Variants in ADGRG6 observed in about 807,000 individuals in gnomAD.
ADGRG6 encodes G-protein coupled receptor 126.
Under a neutral mutation model 142.4 loss-of-function variants are expected in ADGRG6, and 84 were observed. The ratio of observed to expected loss-of-function variants is 0.59; its 90% CI spans 0.49 to 0.71. ADGRG6 has a LOEUF of 0.71. Ranked by LOEUF, ADGRG6 falls within the 30% of genes least tolerant of loss-of-function variation. The pLI, the probability that ADGRG6 is intolerant of heterozygous loss-of-function variation, is 0.00. For missense variants in ADGRG6, 1,367 were observed against 1,466.6 expected, an observed-to-expected ratio of 0.93 and a Z score of 1.11; for synonymous variants, 521 against 520.5, an observed-to-expected ratio of 1.00 and a Z score of -0.01.
chr6:142,382,303 C>G (rs1382664051), intron 5 of ADGRG6, among the ~76,000 whole-genome samples: 2 of 152,046 alleles, frequency 1.3e-5, no homozygotes, highest in Admixed American at 1.3e-4. Context: ...CATTTTTCCC[C>G]CATGTCTTCT....
intron 22 of ADGRG6, among the ~76,000 whole-genome samples, chr6:142,429,915 T>C (rs1032116277): frequency 3.9e-5 from 6 of 152,026 alleles, no homozygotes; most frequent in African/African-American, 1.4e-4. Flanking sequence ...AAATTAGGTG[T>C]AGTGGTGTGG....
Position 142,441,709 on chromosome 6 carries a change from CTAAT to C in ADGRG6, c.3575-1625_3575-1622del, listed in dbSNP as rs1296176819. ...TGTGGTTTTCTAAAAACACCAAGCACTAATTATTCATTATTAATATATAAGTCAA... is the reference window on the plus strand; with the variant it reads ...TGTGGTTTTCTAAAAACACCAAGCACTATTCATTATTAATATATAAGTCAA... On this transcript the variant is annotated intron_variant, in intron 24 of 24. Transcript: ENST00000367609. Among the ~76,000 whole-genome samples the C allele has an allele frequency of 2.6e-5, 4 of 152,260 alleles. No homozygotes were observed. The East Asian group carries it at 7.7e-4, about 29-fold the overall frequency.
In ADGRG6 at chr6:142,302,117, G is replaced by T. The variant is rs1459667973; in HGVS notation, c.-213G>T. On this transcript the variant is annotated 5_prime_UTR_variant, in exon 1 of 25. Transcript: ENST00000367609. ...CTGCCGCCAGCCTGCTTCCTCGTCC[G>T]CAGGCCCTGCGCTGAACGCTGCCGC... 2 of 539,064 alleles carry T rather than the reference G, an allele frequency of 3.7e-6. No individual in the cohort carries two copies. Among genetic ancestry groups the T allele is most frequent in the Non-Finnish European group, 3.3e-6 (1 of 307,126 alleles). The allele number at this position is 539,064 out of a possible 1,614,324, so 33.4% of individuals were successfully genotyped here.
At chr6:142,325,943 A>T (rs769295309) in intron 2 of ADGRG6, among the ~76,000 whole-genome samples, 1 of 152,058 alleles carries the variant, frequency 6.6e-6, no homozygotes, top group South Asian at 2.1e-4. Flanking sequence ...TTCATTTAAA[A>T]CTATGTAAGG....
At chr6:142,313,716 C>T (rs1407169963) in intron 2 of ADGRG6, among the ~76,000 whole-genome samples, 1 of 150,574 alleles carries the variant, frequency 6.6e-6, no homozygotes, top group African/African-American at 2.4e-5. Context: ...TTTTTCTTAT[C>T]ATAAAATGAA....
chr6:142,398,738 C>A (rs75513584), intron 10 of ADGRG6, among the ~76,000 whole-genome samples: 19 of 152,208 alleles, frequency 1.2e-4, no homozygotes, highest in South Asian at 2.1e-4. Flanking sequence ...TTCTTTGGAA[C>A]CTTTTCTGAA....
At chr6:142,417,891 G>T (rs1776446070) in intron 21 of ADGRG6, among the ~76,000 whole-genome samples, 1 of 152,098 alleles carries the variant, frequency 6.6e-6, no homozygotes, top group South Asian at 2.1e-4. Context: ...AGTCCACCAT[G>T]GGTACTCAAT....
chr6:142,408,039 A>G (rs895559587), intron 15 of ADGRG6, 111 bp from the exon 16 acceptor site: 8 of 681,760 alleles, frequency 1.2e-5, no homozygotes, highest in Non-Finnish European at 1.9e-5. Flanking sequence ...GATGTTCTAG[A>G]ACTGAAGATC....
At chr6:142,330,617 C>T (rs1007483863) in intron 2 of ADGRG6, among the ~76,000 whole-genome samples, 21 of 152,148 alleles carry the variant, frequency 1.4e-4, no homozygotes, top group African/African-American at 4.8e-4. Context: ...TTTTGCCTTT[C>T]CCTTCAGGAA....
chr6:142,356,851 G>A (rs1194004821), intron 2 of ADGRG6, among the ~76,000 whole-genome samples: 3 of 152,124 alleles, frequency 2.0e-5, no homozygotes, highest in East Asian at 3.9e-4. Flanking sequence ...TCAAAAGGAA[G>A]GTGATTTAGT....
At chr6:142,418,763 A>T (rs1183329932) in intron 21 of ADGRG6, among the ~76,000 whole-genome samples, 1 of 152,184 alleles carries the variant, frequency 6.6e-6, no homozygotes, top group Non-Finnish European at 1.5e-5. Flanking sequence ...AACATGGAAG[A>T]TATGGCCCAG....
chr6:142,403,803 G>T lies in ADGRG6; in HGVS notation c.1957G>T (p.Ala653Ser). 6.4e-7 allele frequency: 1 copy of T among 1,568,466 alleles called. No individual in the cohort carries two copies. The highest frequency in any genetic ancestry group is 1.4e-5 in the African/African-American group (1 of 72,236). The stretch of plus-strand genomic sequence containing the variant: ...TGGCATTTTTTGTCGTTACTTTAGA[G>T]CTTTAAAAACAATTGATGAATTGGC... ...DSDLLESSSE[A>S]LKTIDELAFK... The change falls in exon 14 of 25, where the codon GCT (alanine) becomes TCT (serine). Residue 653 changes from alanine to serine, a missense_variant and splice_region_variant. By Grantham distance (99) the Ala-to-Ser change is moderately conservative. Around this residue, in one of 3 missense-constraint regions of ADGRG6, gnomAD observed 286 missense variants for 371.4 expected, o/e 0.77. Coordinates refer to ENST00000367609, the MANE Select transcript of ADGRG6 (RefSeq NM_198569.3).
intron 10 of ADGRG6, among the ~76,000 whole-genome samples, chr6:142,399,311 C>T (rs1010350781): frequency 3.3e-5 from 5 of 152,132 alleles, no homozygotes; most frequent in Non-Finnish European, 7.4e-5. Context: ...TGGATGTACA[C>T]CGTTACAAAG....
intron 2 of ADGRG6, among the ~76,000 whole-genome samples, chr6:142,347,457 A>G (rs565074105): frequency 2.5e-4 from 38 of 152,298 alleles, no homozygotes; most frequent in Admixed American, 1.7e-3. Flanking sequence ...AGAAAACCAA[A>G]CAATGATCTG....
intron 10 of ADGRG6, among the ~76,000 whole-genome samples, chr6:142,398,533 A>G (rs1027311295): frequency 6.6e-6 from 1 of 152,176 alleles, no homozygotes; most frequent in Non-Finnish European, 1.5e-5. Context: ...GTTGGACCTA[A>G]AATCAAGTTT....
intron 4 of ADGRG6, chr6:142,371,059 A>C: frequency 5.0e-6 from 2 of 396,334 alleles, no homozygotes; most frequent in Non-Finnish European, 9.1e-6. Context: ...CTATGTCATA[A>C]AATATCACAG....
At chr6:142,363,170 A>C (rs1185834906) in intron 2 of ADGRG6, among the ~76,000 whole-genome samples, 1 of 152,200 alleles carries the variant, frequency 6.6e-6, no homozygotes, top group East Asian at 1.9e-4. Context: ...CAATTATTCA[A>C]TATCATCCAC....
chr6:142,343,295 TA>T, intron 2 of ADGRG6, among the ~76,000 whole-genome samples: 1 of 151,610 alleles, frequency 6.6e-6, no homozygotes, highest in Non-Finnish European at 1.5e-5. Flanking sequence ...ATAACCTATC[TA>T]AAAAATTCAA....
intron 2 of ADGRG6, among the ~76,000 whole-genome samples, chr6:142,333,155 G>A (rs1189151111): frequency 6.6e-6 from 1 of 152,186 alleles, no homozygotes; most frequent in Non-Finnish European, 1.5e-5. Context: ...AGTCTTGATT[G>A]AGACAGTATT....
Sources: gnomAD v4.1 joint callset for allele counts (sites outside exome capture counted in the v4.1 genomes callset) on GRCh38, gnomAD v4.1.1 for gene constraint, gnomAD v4.1.1 regional missense constraint, MANE v1.5 for transcripts, NCBI Gene and HGNC (gene_info 2026-07-23, HGNC 2026-07-21) for gene names.